The following AUTS2 variants were observed in gnomAD, a reference collection of about 807,000 sequenced individuals.
The protein encoded by AUTS2 is autism susceptibility gene 2 protein.
AUTS2 carries 17 observed loss-of-function variants against 112.4 expected under a neutral mutation model. The ratio of observed to expected loss-of-function variants is 0.15; its 90% confidence interval spans 0.10 to 0.23. The LOEUF (loss-of-function observed/expected upper bound fraction) is 0.23, where lower values mean the gene tolerates loss of function less well. Among genes scored for constraint, AUTS2 ranks in the 10% least tolerant of loss-of-function variants. The pLI is 1.00. For missense variants in AUTS2, 1,510 were observed against 1,701.6 expected (o/e 0.89, Z 1.98); for synonymous variants, 751 against 702.7 (o/e 1.07, Z -1.09).
intron 4 of AUTS2, among the ~76,000 whole-genome samples, chr7:70,333,722 C>T (rs1790863199): frequency 6.6e-6 from 1 of 152,132 alleles, no homozygotes; most frequent in South Asian, 2.1e-4. Flanking sequence ...AAACCAAACA[C>T]CGCATGTTCT....
chr7:70,031,655 C>A (rs1412904341), intron 2 of AUTS2, among the ~76,000 whole-genome samples: 1 of 152,118 alleles, frequency 6.6e-6, no homozygotes, highest in Non-Finnish European at 1.5e-5. Context: ...AACAGATTTT[C>A]CTACAAGATT....
In AUTS2 at chr7:69,857,396, G is replaced by A. The variant is rs1174859573; in HGVS notation, c.310-41890G>A. 3.3e-5 allele frequency among the ~76,000 whole-genome samples: 5 copies of A among 152,286 alleles called. No homozygotes were observed. In the East Asian group the frequency reaches 9.7e-4, roughly 29 times the overall value. The stretch of plus-strand genomic sequence containing the variant: ...AGAATCACAAGGAGCCGTCTTTGCT[G>A]TGTAAATTCTCCCTCAAAGGTCTGG... On this transcript the variant is annotated intron_variant, in intron 1 of 18. Coordinates refer to ENST00000342771, the MANE Select transcript of AUTS2 (RefSeq NM_015570.4).
rs543147128 is a variant in AUTS2, at chr7:69,808,610, C to T, written c.310-90676C>T. On this transcript the variant is annotated intron_variant, in intron 1 of 18. Transcript: ENST00000342771. ...CAGACTGCATTTTATCTGGATGGGC[C>T]CTTAGCTTTTTTTCTGTTGCTCATT... 3.3e-5 allele frequency among the ~76,000 whole-genome samples: 5 copies of T among 152,092 alleles called. No homozygotes were observed. The East Asian group carries it at 7.7e-4, about 23-fold the overall frequency.
At chr7:70,479,980 C>T (rs1055806969) in intron 5 of AUTS2, among the ~76,000 whole-genome samples, 2 of 152,222 alleles carry the variant, frequency 1.3e-5, no homozygotes, top group Non-Finnish European at 2.9e-5. Flanking sequence ...GTGCTAAACA[C>T]AGACTGTCCC....
At chr7:70,144,829 G>C (rs138265586) in intron 4 of AUTS2, among the ~76,000 whole-genome samples, 1 of 152,150 alleles carries the variant, frequency 6.6e-6, no homozygotes, top group East Asian at 1.9e-4. Flanking sequence ...GTGTTTTCTT[G>C]ATGTCAGTGA....
At chr7:69,896,858 A>T (rs1794769751) in intron 1 of AUTS2, among the ~76,000 whole-genome samples, 1 of 152,156 alleles carries the variant, frequency 6.6e-6, no homozygotes, top group African/African-American at 2.4e-5. Flanking sequence ...AGCCTTTCAG[A>T]TCTAGGTCAA....
chr7:70,018,597 C>T (rs945876622), intron 2 of AUTS2, among the ~76,000 whole-genome samples: 1 of 152,212 alleles, frequency 6.6e-6, no homozygotes, highest in Non-Finnish European at 1.5e-5. Flanking sequence ...GGTTATACAA[C>T]TATTTCACAA....
At chr7:70,240,706 AAAAT>A (rs1812566365) in intron 4 of AUTS2, among the ~76,000 whole-genome samples, 1 of 152,230 alleles carries the variant, frequency 6.6e-6, no homozygotes, top group African/African-American at 2.4e-5. Context: ...GTAATTTAAG[AAAAT>A]AAATGTCTGT....
Position 70,784,950 on chromosome 7 carries a change from C to T in AUTS2, c.2155C>T (p.His719Tyr). The T allele has an allele frequency of 1.9e-6, 3 of 1,614,108 alleles. No individual in the cohort carries two copies. Among genetic ancestry groups the T allele is most frequent in the Non-Finnish European group, 2.5e-6 (3 of 1,180,018 alleles). ...STLFSAAGAAHPTGTPFGPPP... is the reference protein window; with the variant it reads ...STLFSAAGAAYPTGTPFGPPP... Reference sequence around the variant, plus strand: ...TATGTTTGACTTAACAGGTGCTGCACACCCAACTGGGACCCCTTTTGGGCC... The same window carrying T: ...TATGTTTGACTTAACAGGTGCTGCATACCCAACTGGGACCCCTTTTGGGCC... The change falls in exon 16 of 19, where the codon CAC becomes TAC. Residue 719 changes from histidine (H) to tyrosine (Y), a missense_variant. Coordinates refer to ENST00000342771, the MANE Select transcript of AUTS2 (RefSeq NM_015570.4).
intron 5 of AUTS2, among the ~76,000 whole-genome samples, chr7:70,661,251 G>C (rs909007544): frequency 6.6e-6 from 1 of 152,092 alleles, no homozygotes; most frequent in African/African-American, 2.4e-5. Flanking sequence ...GGCGGCGTCT[G>C]AGGCCATCTT....
At chr7:70,602,821 C>A (rs1170819955) in intron 5 of AUTS2, among the ~76,000 whole-genome samples, 2 of 152,304 alleles carry the variant, frequency 1.3e-5, no homozygotes, top group African/African-American at 2.4e-5. Context: ...TAATGATTTT[C>A]TTTCGTCTGT....
chr7:70,608,555 G>A (rs984906896), intron 5 of AUTS2, among the ~76,000 whole-genome samples: 2 of 152,132 alleles, frequency 1.3e-5, no homozygotes, highest in Non-Finnish European at 2.9e-5. Context: ...TTCTTATTGG[G>A]ATAACTTTTT....
At chr7:70,768,714 G>T (rs1357170376) in intron 10 of AUTS2, among the ~76,000 whole-genome samples, 1 of 151,920 alleles carries the variant, frequency 6.6e-6, no homozygotes, top group Non-Finnish European at 1.5e-5. Flanking sequence ...AGTATGTTCT[G>T]GAACTTCAAT....
intron 4 of AUTS2, among the ~76,000 whole-genome samples, chr7:70,433,932 G>A (rs1795782854): frequency 6.6e-6 from 1 of 152,222 alleles, no homozygotes; most frequent in South Asian, 2.1e-4. Context: ...AGGTAACTTA[G>A]TGTTTTCTGA....
chr7:70,143,152 A>G (rs1562734899), intron 4 of AUTS2, among the ~76,000 whole-genome samples: 2 of 152,212 alleles, frequency 1.3e-5, no homozygotes, highest in African/African-American at 4.8e-5. Flanking sequence ...GTTAAAAAAC[A>G]CAACTGGGGC....
At chr7:69,675,733 C>T (rs1474307753) in intron 1 of AUTS2, among the ~76,000 whole-genome samples, 1 of 151,968 alleles carries the variant, frequency 6.6e-6, no homozygotes, top group African/African-American at 2.4e-5. Flanking sequence ...TCTCGAACTC[C>T]TGACCTCAGG....
chr7:70,542,423 C>T (rs1455770947), intron 5 of AUTS2, among the ~76,000 whole-genome samples: 1 of 152,192 alleles, frequency 6.6e-6, no homozygotes, highest in East Asian at 1.9e-4. Context: ...CTTTCCAGAG[C>T]AGAGACACTA....
chr7:70,579,613 G>C (rs1802344199), intron 5 of AUTS2, among the ~76,000 whole-genome samples: 1 of 152,176 alleles, frequency 6.6e-6, no homozygotes. Flanking sequence ...CCAGGGATAA[G>C]ACAGAGCAGG....
At position 70,045,076 on chromosome 7, in the gene AUTS2, A is replaced by G. The variant is rs527673911; in HGVS notation, c.523-73056A>G. 7.9e-5 allele frequency among the ~76,000 whole-genome samples: 12 copies of G among 152,196 alleles called. No homozygotes were observed. In the South Asian group the frequency reaches 1.9e-3, roughly 24 times the overall value. Reference sequence around the variant, plus strand: ...CTAGACTTGTGAACTGCTGACTGGTATATTTCAGTTAGTACAGTTAATGTT... The same window carrying G: ...CTAGACTTGTGAACTGCTGACTGGTGTATTTCAGTTAGTACAGTTAATGTT... On this transcript the variant is annotated intron_variant, in intron 2 of 18. Coordinates refer to ENST00000342771, the MANE Select transcript of AUTS2 (RefSeq NM_015570.4).
Sources: allele counts gnomAD v4.1 joint callset (sites outside exome capture counted in the v4.1 genomes callset), GRCh38; gene constraint gnomAD v4.1.1; transcripts MANE v1.5; gene names NCBI Gene and HGNC (gene_info 2026-07-23, HGNC 2026-07-21).